Variants in PCGF3 observed in about 807,000 individuals in gnomAD.
The protein encoded by PCGF3 is polycomb group ring finger 3.
Under a neutral mutation model 33.1 loss-of-function variants are expected in PCGF3, and 7 were observed. That is an observed-to-expected ratio of 0.21 (90% CI 0.12 to 0.40). PCGF3 has a LOEUF of 0.40. Ranked by LOEUF, PCGF3 falls within the 10% of genes least tolerant of loss-of-function variation. The pLI is 1.00. For missense variants in PCGF3, 211 were observed against 313.3 expected (o/e 0.67, Z 2.46); for synonymous variants, 153 against 121.3 (o/e 1.26, Z -1.72).
At chr4:764,279 T>A (rs1451861215) in intron 9 of PCGF3, among the ~76,000 whole-genome samples, 1 of 152,198 alleles carries the variant, frequency 6.6e-6, no homozygotes, top group Non-Finnish European at 1.5e-5. Context: ...AACCTTAAAT[T>A]GTTCTTTAAA....
intron 9 of PCGF3, chr4:762,069 G>GT (rs1745091473): frequency 1.0e-6 from 1 of 985,290 alleles, no homozygotes; most frequent in Non-Finnish European, 1.2e-6. Flanking sequence ...GGGTGGAGAA[G>GT]TGGACAGACT....
chr4:754,359 C>T (rs1438313227), intron 8 of PCGF3, among the ~76,000 whole-genome samples: 1 of 152,214 alleles, frequency 6.6e-6, no homozygotes, highest in African/African-American at 2.4e-5. Context: ...GACTTCACAC[C>T]CGAGAGCCGG....
chr4:761,228 C>G (rs755931662), intron 8 of PCGF3, 51 bp from the exon 9 acceptor site: 21 of 1,486,792 alleles, frequency 1.4e-5, no homozygotes, highest in Non-Finnish European at 1.8e-5. Context: ...GCCTCCAGAA[C>G]CGTCCGGGGG....
At position 747,674 on chromosome 4, in the gene PCGF3, C is replaced by T. The variant is rs544091159; in HGVS notation, c.462+2986C>T. On this transcript the variant is annotated intron_variant, in intron 8 of 10. Transcript: ENST00000362003. ...GGTGGGCGGGGCCCCGGGGTCGCTG[C>T]AGTGTTAGTGCTCGCCGTGGAGGCG... 2.1e-3 allele frequency among the ~76,000 whole-genome samples: 289 copies of T among 137,684 alleles called. 12 individuals are homozygous for T. Among genetic ancestry groups the T allele is most frequent in the Admixed American group, 4.4e-3 (60 of 13,770 alleles). 90.3% of individuals were successfully genotyped at this position (137,684 alleles called of 152,430 possible).
chr4:732,848 C>T (rs1743659196), intron 3 of PCGF3, among the ~76,000 whole-genome samples: 1 of 152,272 alleles, frequency 6.6e-6, no homozygotes, highest in Non-Finnish European at 1.5e-5. Flanking sequence ...AGCCTCCGCA[C>T]GCGGAGCGGC....
intron 1 of PCGF3, among the ~76,000 whole-genome samples, chr4:716,131 C>G (rs1473220767): frequency 1.8e-5 from 2 of 112,868 alleles, no homozygotes; most frequent in African/African-American, 3.1e-5. Flanking sequence ...AACTGGGTGT[C>G]AGTGCTGGGA....
rs1015729284 is a variant in PCGF3 at position 720,946 on chromosome 4, G to A, written c.-189-9684G>A. 4.3e-4 allele frequency among the ~76,000 whole-genome samples: 65 copies of A among 152,156 alleles called. 1 individual carries two copies. Among genetic ancestry groups the A allele is most frequent in the African/African-American group, 2.2e-4 (9 of 41,430 alleles). ...CCTGGGCGGGTTTCACCACTTGGACGGGAGCTCTGGCATGGTCCAGGGAGT... is the reference window on the plus strand; with the variant it reads ...CCTGGGCGGGTTTCACCACTTGGACAGGAGCTCTGGCATGGTCCAGGGAGT... On this transcript the variant is annotated intron_variant, in intron 1 of 10. Coordinates refer to ENST00000362003, the Ensembl canonical transcript of PCGF3. The surrounding 1 kb of genome is among the most constrained non-coding windows in gnomAD (Gnocchi z 5.6).
chr4:761,938 C>T (rs1261210733), intron 9 of PCGF3: 3 of 985,256 alleles, frequency 3.0e-6, no homozygotes, highest in African/African-American at 3.5e-5. Context: ...GCGCTGGCGG[C>T]TGTGGGCAGG....
chr4:768,099 C>T (rs1387152591), exon 11 of PCGF3: 1 of 152,694 alleles, frequency 6.5e-6, no homozygotes. Context: ...AATCACTTGA[C>T]TTTGCAATGG....
chr4:736,072 G>A (rs1312242668), intron 5 of PCGF3, among the ~76,000 whole-genome samples: 1 of 151,730 alleles, frequency 6.6e-6, no homozygotes, highest in African/African-American at 2.4e-5. Flanking sequence ...TTCTTGAGAT[G>A]GAGTCTTGCT....
chr4:737,348 A>C, intron 5 of PCGF3, 118 bp from the exon 6 acceptor site: 1 of 712,956 alleles, frequency 1.4e-6, no homozygotes, highest in South Asian at 1.8e-5. Context: ...ACTAGAAGTA[A>C]AATTCCAACA....
chr4:769,893 TTGAC>T (rs1745552006), exon 11 of PCGF3: 2 of 152,628 alleles, frequency 1.3e-5, no homozygotes, highest in Non-Finnish European at 1.5e-5. Flanking sequence ...ATACATGTGT[TTGAC>T]TGTTTAATTT....
At chr4:727,231 G>GTCTTTTTTTTTT (rs1743366642) in intron 1 of PCGF3, among the ~76,000 whole-genome samples, 1 of 93,894 alleles carries the variant, frequency 1.1e-5, no homozygotes. Context: ...GTTAGCGAGC[G>GTCTTTTTTTTTT]TCTTTTTTTT....
At chr4:714,160 C>T (rs1416204124) in intron 1 of PCGF3, among the ~76,000 whole-genome samples, 1 of 152,154 alleles carries the variant, frequency 6.6e-6, no homozygotes, top group Non-Finnish European at 1.5e-5. Flanking sequence ...GACTCTGACC[C>T]CACCAGCCCC....
chr4:765,354 A>G (rs2152628787), intron 10 of PCGF3, among the ~76,000 whole-genome samples: 1 of 151,806 alleles, frequency 6.6e-6, no homozygotes, highest in South Asian at 2.1e-4. Flanking sequence ...AATGGTGTGA[A>G]CCCGGGAGAC....
intron 6 of PCGF3, among the ~76,000 whole-genome samples, chr4:742,570 C>G (rs1744141558): frequency 6.6e-6 from 1 of 152,234 alleles, no homozygotes; most frequent in Non-Finnish European, 1.5e-5. Flanking sequence ...CCACTGTGTC[C>G]CCTGGGTGTG....
At chr4:734,073 C>T (rs1306520875) in intron 4 of PCGF3, 16 of 1,550,620 alleles carry the variant, frequency 1.0e-5, no homozygotes, top group African/African-American at 8.2e-5. Context: ...GCCGCTGTGA[C>T]AGTGCTCACT....
chr4:711,032 G>A (rs564900442), intron 1 of PCGF3, among the ~76,000 whole-genome samples: 1 of 152,222 alleles, frequency 6.6e-6, no homozygotes, highest in African/African-American at 2.4e-5. Context: ...ACATTTGACC[G>A]GTGTGAGGAC....
chr4:744,785 CCG>C, intron 8 of PCGF3, 97 bp downstream of exon 8: 1 of 144,472 alleles, frequency 6.9e-6, no homozygotes, highest in Admixed American at 2.0e-4. Context: ...TTAGTGTTCG[CCG>C]TGGAGGCGTG....
Sources: allele counts gnomAD v4.1 joint callset (sites outside exome capture counted in the v4.1 genomes callset), GRCh38; gene constraint gnomAD v4.1.1; non-coding constraint Gnocchi (gnomAD v3.1); transcripts MANE v1.5; gene names NCBI Gene and HGNC (gene_info 2026-07-23, HGNC 2026-07-21).